FAM168A: variants seen among roughly 807,000 people sequenced by gnomAD.
FAM168A encodes protein FAM168A.
In FAM168A, 3 loss-of-function variants were observed where a neutral mutation model predicts 28.5. That is an observed-to-expected ratio of 0.11 (90% confidence interval 0.05 to 0.27). FAM168A has a LOEUF of 0.27. Ranked by LOEUF, FAM168A falls within the 10% of genes least tolerant of loss-of-function variation. The pLI, the probability that FAM168A is intolerant of heterozygous loss-of-function variation, is 1.00. For synonymous variants in FAM168A, 122 were observed against 124.2 expected, an observed-to-expected ratio of 0.98 and a Z score of 0.12; for missense variants, 222 against 311.5, an observed-to-expected ratio of 0.71 and a Z score of 2.16.
At chr11:73,497,164 G>A (rs544178259) in intron 1 of FAM168A, among the ~76,000 whole-genome samples, 2 of 152,030 alleles carry the variant, frequency 1.3e-5, no homozygotes, top group East Asian at 1.9e-4. Context: ...TCTGGCCTGC[G>A]TACCAGGAGG....
chr11:73,459,879 A>ATTTTTTTTTTTTTT (rs918564469), intron 2 of FAM168A, among the ~76,000 whole-genome samples: 1 of 108,456 alleles, frequency 9.2e-6, no homozygotes, highest in Non-Finnish European at 1.8e-5. Context: ...ATCCAAATGA[A>ATTTTTTTTTTTTTT]TTTTTTTTTT....
At position 73,411,324 on chromosome 11, in the gene FAM168A, A is replaced by G. The variant is rs939023074; in HGVS notation, c.420+70T>C. 2.0e-5 allele frequency: 30 copies of G among 1,498,994 alleles called. No individual in the cohort carries two copies. The African/African-American group carries it at 3.5e-4, about 18-fold the overall frequency. The allele number at this position is 1,498,994 out of a possible 1,614,324, so 92.9% of individuals were successfully genotyped here. A position where few individuals can be genotyped will look rare whatever the true frequency, so the allele number is the denominator to read the frequency against. Reference sequence around the variant, plus strand: ...TCTCCTTCCCTCACTTCCTCACCCTACCCCACCACACTGCACCCAGGCTGA... The same window carrying G: ...TCTCCTTCCCTCACTTCCTCACCCTGCCCCACCACACTGCACCCAGGCTGA... On this transcript the variant is annotated intron_variant, in intron 5 of 7. Transcript: ENST00000356467.
chr11:73,595,263 A>G (rs1455215128), intron 1 of FAM168A, among the ~76,000 whole-genome samples: 3 of 152,194 alleles, frequency 2.0e-5, no homozygotes, highest in Non-Finnish European at 4.4e-5. Context: ...CCTGATCTTT[A>G]TTATAATACA....
chr11:73,543,747 T>G (rs1163385718), intron 1 of FAM168A, among the ~76,000 whole-genome samples: 2 of 152,196 alleles, frequency 1.3e-5, no homozygotes, highest in Non-Finnish European at 2.9e-5. Context: ...TGGGACTCTC[T>G]TATAATCAAC....
chr11:73,556,783 G>A (rs1943896630), intron 1 of FAM168A, among the ~76,000 whole-genome samples: 2 of 152,184 alleles, frequency 1.3e-5, no homozygotes, highest in South Asian at 4.1e-4. Context: ...CACTTTGGAA[G>A]GCCAAGGCAG....
At chr11:73,556,469 C>T (rs1943890770) in intron 1 of FAM168A, among the ~76,000 whole-genome samples, 3 of 150,960 alleles carry the variant, frequency 2.0e-5, no homozygotes, top group Admixed American at 2.0e-4. Flanking sequence ...ATGATTCTAC[C>T]TATATGAGGT....
chr11:73,504,997 C>G (rs1291454643), intron 1 of FAM168A, among the ~76,000 whole-genome samples: 7 of 151,960 alleles, frequency 4.6e-5, no homozygotes, highest in Non-Finnish European at 8.8e-5. Context: ...CACACCAGGG[C>G]CTGTTGCAGG....
chr11:73,421,388 T>C (rs1866790805), intron 3 of FAM168A, among the ~76,000 whole-genome samples: 1 of 152,220 alleles, frequency 6.6e-6, no homozygotes, highest in African/African-American at 2.4e-5. Context: ...AGGCTGACTC[T>C]GCATTTGCAT....
At chr11:73,578,003 C>T (rs1944196083) in intron 1 of FAM168A, among the ~76,000 whole-genome samples, 1 of 152,158 alleles carries the variant, frequency 6.6e-6, no homozygotes, top group Admixed American at 6.5e-5. Context: ...TGCATTTTGG[C>T]ACTCTGAACT....
In FAM168A at chr11:73,547,393, T is replaced by C. The variant is rs769906969; in HGVS notation, c.-19+50530A>G. 5.9e-4 allele frequency among the ~76,000 whole-genome samples: 89 copies of C among 152,126 alleles called. No individual in the cohort carries two copies. The Middle Eastern group carries it at 0.017, about 29-fold the overall frequency. On this transcript the variant is annotated intron_variant, in intron 1 of 7. Coordinates refer to ENST00000356467, the MANE Select transcript of FAM168A (RefSeq NM_015159.3). ...GGATATGGAGAAACTAGAACCCTTG[T>C]GTGCTGTTGGTGGGAACATAAAATG... is the stretch of plus-strand genomic sequence containing the variant.
At chr11:73,444,974 T>C (rs371189326) in intron 2 of FAM168A, among the ~76,000 whole-genome samples, 8 of 152,310 alleles carry the variant, frequency 5.3e-5, no homozygotes, top group African/African-American at 1.9e-4. Flanking sequence ...AAAATGATTA[T>C]ATTGGCTGGC....
intron 1 of FAM168A, among the ~76,000 whole-genome samples, chr11:73,532,530 T>C (rs950263397): frequency 1.3e-5 from 2 of 152,218 alleles, no homozygotes; most frequent in Non-Finnish European, 2.9e-5. Flanking sequence ...TATTTCTTTG[T>C]GCCAAACCAG....
At chr11:73,487,380 C>G (rs1868066876) in intron 1 of FAM168A, among the ~76,000 whole-genome samples, 1 of 152,152 alleles carries the variant, frequency 6.6e-6, no homozygotes, top group African/African-American at 2.4e-5. Flanking sequence ...CTCACCTTCC[C>G]CTAGGCCTTG....
chr11:73,469,514 T>C (rs780308441), intron 1 of FAM168A, among the ~76,000 whole-genome samples: 3 of 152,188 alleles, frequency 2.0e-5, no homozygotes, highest in African/African-American at 7.2e-5. Context: ...CTGTGATTAG[T>C]CTGTCTAGGG....
At chr11:73,505,789 T>A (rs1417736494) in intron 1 of FAM168A, among the ~76,000 whole-genome samples, 1 of 152,160 alleles carries the variant, frequency 6.6e-6, no homozygotes, top group African/African-American at 2.4e-5. Flanking sequence ...AGTCTCAGAC[T>A]AAGGAAACTG....
chr11:73,476,497 T>C (rs1233928348), intron 1 of FAM168A, among the ~76,000 whole-genome samples: 1 of 152,084 alleles, frequency 6.6e-6, no homozygotes, highest in East Asian at 1.9e-4. Context: ...CAAGAATTGC[T>C]ACAATATATT....
intron 2 of FAM168A, among the ~76,000 whole-genome samples, chr11:73,464,942 G>A (rs1173364840): frequency 6.6e-6 from 1 of 151,492 alleles, no homozygotes; most frequent in African/African-American, 2.4e-5. Flanking sequence ...TAGCTCTTAA[G>A]TGGCAGAATA....
At chr11:73,498,990 C>T (rs1263303486) in intron 1 of FAM168A, among the ~76,000 whole-genome samples, 2 of 152,166 alleles carry the variant, frequency 1.3e-5, no homozygotes, top group African/African-American at 4.8e-5. Context: ...CCCAGCGGAA[C>T]ACACCCTCTC....
intron 3 of FAM168A, chr11:73,430,473 C>G: frequency 2.0e-6 from 1 of 508,016 alleles, no homozygotes; most frequent in Non-Finnish European, 3.6e-6. Context: ...GATGAGCCAA[C>G]CTTAAGTCCC....
Sources: allele counts gnomAD v4.1 joint callset (sites outside exome capture counted in the v4.1 genomes callset), GRCh38; gene constraint gnomAD v4.1.1; transcripts MANE v1.5; gene names NCBI Gene and HGNC (gene_info 2026-07-23, HGNC 2026-07-21).